SGCZ: variants seen among roughly 807,000 people sequenced by gnomAD.
The protein encoded by SGCZ is zeta-sarcoglycan.
SGCZ carries 40 observed loss-of-function variants against 41.3 expected under a neutral mutation model. That is an observed-to-expected ratio of 0.97 (90% confidence interval 0.75 to 1.26). The LOEUF is 1.26. Ranked by LOEUF, SGCZ falls within the 50% of genes most tolerant of loss-of-function variation. The pLI is 0.00. For synonymous variants in SGCZ, 206 were observed against 137.5 expected, an observed-to-expected ratio of 1.50 and a Z score of -3.49; for missense variants, 552 against 369.8, an observed-to-expected ratio of 1.49 and a Z score of -4.04.
chr8:14,968,374 G>T (rs1431002398), intron 1 of SGCZ, among the ~76,000 whole-genome samples: 3 of 152,070 alleles, frequency 2.0e-5, no homozygotes. Flanking sequence ...CTACAGAGCA[G>T]ACATAGAAGG....
intron 1 of SGCZ, among the ~76,000 whole-genome samples, chr8:14,981,976 C>T (rs1801676535): frequency 6.6e-6 from 1 of 151,742 alleles, no homozygotes; most frequent in Non-Finnish European, 1.5e-5. Flanking sequence ...ATGGTGAAAC[C>T]CCATCTCTAC....
At position 15,151,393 on chromosome 8, in the gene SGCZ, C is replaced by A. The variant is rs148395204; in HGVS notation, c.39+86192G>T. ...TCATTTGATATGCTACAATAGATTA[C>A]AAATACATAATCCCTTATTGAAATA... On this transcript the variant is annotated intron_variant, in intron 1 of 7. Transcript: ENST00000382080. 3.2e-3 allele frequency among the ~76,000 whole-genome samples: 486 copies of A among 152,270 alleles called. 3 individuals carry two copies. The highest frequency in any genetic ancestry group is 0.011 in the African/African-American group (464 of 41,556).
intron 1 of SGCZ, among the ~76,000 whole-genome samples, chr8:14,998,536 G>C (rs967372902): frequency 6.6e-6 from 1 of 152,008 alleles, no homozygotes; most frequent in Admixed American, 6.6e-5. Flanking sequence ...TTTTTCTTAA[G>C]AATCAATCCC....
chr8:14,370,565 A>G (rs115377667), intron 2 of SGCZ, among the ~76,000 whole-genome samples: 3,011 of 151,992 alleles, frequency 0.02, 79 homozygotes, highest in African/African-American at 0.056. Context: ...TTCTTACTCA[A>G]GTTCTCTTTT....
intron 5 of SGCZ, among the ~76,000 whole-genome samples, chr8:14,136,384 T>G (rs1027923179): frequency 6.6e-6 from 1 of 152,020 alleles, no homozygotes; most frequent in Admixed American, 6.5e-5. Context: ...GTCAGAGAAT[T>G]CCCTTTCCTA....
At chr8:14,115,087 C>T (rs1486603129) in intron 5 of SGCZ, among the ~76,000 whole-genome samples, 3 of 151,922 alleles carry the variant, frequency 2.0e-5, no homozygotes, top group Non-Finnish European at 2.9e-5. Flanking sequence ...GAGCTTTCTT[C>T]GTTACTCTTA....
chr8:15,150,814 G>T (rs1006027856), intron 1 of SGCZ, among the ~76,000 whole-genome samples: 6 of 152,252 alleles, frequency 3.9e-5, no homozygotes, highest in South Asian at 2.1e-4. Flanking sequence ...TAAGGCTGTG[G>T]TTTTTTTGTT....
intron 2 of SGCZ, among the ~76,000 whole-genome samples, chr8:14,509,183 T>C (rs991704026): frequency 6.6e-6 from 1 of 152,164 alleles, no homozygotes; most frequent in Non-Finnish European, 1.5e-5. Flanking sequence ...TATGTGGTCA[T>C]AAAGCTTCTA....
chr8:14,329,383 T>A (rs570481285), intron 2 of SGCZ, among the ~76,000 whole-genome samples: 3 of 152,322 alleles, frequency 2.0e-5, no homozygotes, highest in South Asian at 2.1e-4. Flanking sequence ...TAATAGTTAT[T>A]CCCTTTACTT....
chr8:14,946,914 T>C (rs917474684), intron 1 of SGCZ, among the ~76,000 whole-genome samples: 16 of 152,112 alleles, frequency 1.1e-4, no homozygotes, highest in Non-Finnish European at 1.8e-4. Context: ...GACCTCATGA[T>C]CCGCCCGCCT....
At chr8:14,106,476 T>C (rs990416438) in intron 6 of SGCZ, among the ~76,000 whole-genome samples, 1 of 152,130 alleles carries the variant, frequency 6.6e-6, no homozygotes, top group African/African-American at 2.4e-5. Context: ...CTAATAAATA[T>C]TGTTCCCTAG....
At chr8:15,083,554 T>A (rs1805833958) in intron 1 of SGCZ, among the ~76,000 whole-genome samples, 1 of 152,098 alleles carries the variant, frequency 6.6e-6, no homozygotes, top group Non-Finnish European at 1.5e-5. Flanking sequence ...TAATTCAATG[T>A]TGTTATTATT....
chr8:14,388,129 C>T (rs1199836582), intron 2 of SGCZ, among the ~76,000 whole-genome samples: 2 of 151,966 alleles, frequency 1.3e-5, no homozygotes, highest in African/African-American at 4.8e-5. Flanking sequence ...TATTAAGCAA[C>T]TGGAAGTTTG....
intron 1 of SGCZ, among the ~76,000 whole-genome samples, chr8:14,563,964 T>C (rs1271100604): frequency 3.9e-5 from 6 of 152,060 alleles, no homozygotes; most frequent in African/African-American, 1.2e-4. Flanking sequence ...GCACAAATGT[T>C]GGAGGTAAAC....
At chr8:14,230,282 G>A (rs942164727) in intron 4 of SGCZ, among the ~76,000 whole-genome samples, 3 of 152,060 alleles carry the variant, frequency 2.0e-5, no homozygotes, top group African/African-American at 7.2e-5. Flanking sequence ...CTAAATCCCA[G>A]AGACTTGGTC....
chr8:14,330,972 C>T (rs1802298372), intron 2 of SGCZ, among the ~76,000 whole-genome samples: 1 of 151,786 alleles, frequency 6.6e-6, no homozygotes, highest in Admixed American at 6.6e-5. Flanking sequence ...AACCAAAAAT[C>T]CCCTTTCAAA....
chr8:14,360,027 T>C (rs2117127942), intron 2 of SGCZ, among the ~76,000 whole-genome samples: 1 of 152,288 alleles, frequency 6.6e-6, no homozygotes, highest in African/African-American at 2.4e-5. Context: ...GTCATTTCAG[T>C]TAATGCTGAA....
intron 1 of SGCZ, among the ~76,000 whole-genome samples, chr8:15,005,575 G>C (rs569960012): frequency 1.3e-5 from 2 of 150,960 alleles, no homozygotes. Flanking sequence ...AGGTTGTTCC[G>C]CCCACCTTGG....
intron 5 of SGCZ, among the ~76,000 whole-genome samples, chr8:14,141,789 C>T (rs1554466301): frequency 6.6e-6 from 1 of 152,120 alleles, no homozygotes; most frequent in Non-Finnish European, 1.5e-5. Flanking sequence ...CTAGAAAAAC[C>T]ATTTGACCCA....
Sources: gnomAD v4.1 joint callset for allele counts (sites outside exome capture counted in the v4.1 genomes callset) on GRCh38, gnomAD v4.1.1 for gene constraint, MANE v1.5 for transcripts, NCBI Gene and HGNC (gene_info 2026-07-23, HGNC 2026-07-21) for gene names.